The following PRKCB variants were observed in gnomAD, a reference collection of about 807,000 sequenced individuals.
PRKCB encodes the protein protein kinase C beta type.
Under a neutral mutation model 81.5 loss-of-function variants are expected in PRKCB, and 13 were observed. The observed-to-expected ratio is 0.16, with a 90% CI of 0.10 to 0.25. The LOEUF is 0.25. Among genes scored for constraint, PRKCB ranks in the 10% least tolerant of loss-of-function variants. PRKCB has a pLI of 1.00. For missense variants in PRKCB, 509 were observed against 875.7 expected (o/e 0.58, Z 5.29); for synonymous variants, 335 against 321.4 (o/e 1.04, Z -0.45).
intron 2 of PRKCB, among the ~76,000 whole-genome samples, chr16:23,928,445 C>T (rs1192709014): frequency 6.6e-6 from 1 of 152,020 alleles, no homozygotes; most frequent in Non-Finnish European, 1.5e-5. Flanking sequence ...ATTTACTGAG[C>T]AAGAGCTTGT....
intron 2 of PRKCB, among the ~76,000 whole-genome samples, chr16:23,883,751 C>G (rs1204378252): frequency 6.6e-6 from 1 of 152,206 alleles, no homozygotes; most frequent in African/African-American, 2.4e-5. Context: ...AAATGCACAG[C>G]TGGGCACCTG....
intron 5 of PRKCB, among the ~76,000 whole-genome samples, chr16:24,077,047 TA>T (rs1331053649): frequency 6.6e-6 from 1 of 152,112 alleles, no homozygotes; most frequent in African/African-American, 2.4e-5. Flanking sequence ...GACCTCCCCA[TA>T]GCCTGGCAAG....
chr16:24,123,937 G>T lies in PRKCB; in HGVS notation c.1021G>T (p.Asp341Tyr), dbSNP rs1189884717. The T allele has an allele frequency of 6.2e-7, 1 of 1,614,178 alleles. No individual in the cohort carries two copies. Among genetic ancestry groups the T allele is most frequent in the Non-Finnish European group, 8.5e-7 (1 of 1,180,016 alleles). Reference sequence around the variant, plus strand: ...CAACAGAGACCGGATGAAACTGACCGATTTTAACTTCCTAATGGTGCTGGG... The same window carrying T: ...CAACAGAGACCGGATGAAACTGACCTATTTTAACTTCCTAATGGTGCTGGG... ...NGNRDRMKLTDFNFLMVLGKG... is the reference protein window; with the variant it reads ...NGNRDRMKLTYFNFLMVLGKG... Residue 341 changes from aspartate to tyrosine, a missense_variant, in exon 9 of 17, where the codon GAT becomes TAT. By Grantham distance (160) the Asp-to-Tyr change is radical (BLOSUM62 -3). Transcript: ENST00000643927.
intron 2 of PRKCB, among the ~76,000 whole-genome samples, chr16:23,908,893 AAG>A (rs1396926779): frequency 1.3e-5 from 2 of 152,220 alleles, no homozygotes; most frequent in African/African-American, 4.8e-5. Context: ...GAGCAAAAGG[AAG>A]AGAGTGAAGA....
At chr16:24,180,951 T>A in intron 13 of PRKCB, 23 bp downstream of exon 13, 1 of 1,612,134 alleles carries the variant, frequency 6.2e-7, no homozygotes, top group Non-Finnish European at 8.5e-7. Flanking sequence ...GGGCACACGT[T>A]CACATTGCGG....
chr16:23,920,553 A>C (rs1963809039), intron 2 of PRKCB, among the ~76,000 whole-genome samples: 1 of 152,202 alleles, frequency 6.6e-6, no homozygotes, highest in Admixed American at 6.5e-5. Flanking sequence ...GAACAATTTA[A>C]TGTAATTTCA....
At chr16:23,850,423 T>C (rs1056627723) in intron 2 of PRKCB, among the ~76,000 whole-genome samples, 1 of 152,180 alleles carries the variant, frequency 6.6e-6, no homozygotes, top group African/African-American at 2.4e-5. Context: ...TGGAGTACAA[T>C]GGTGCGATCT....
chr16:24,193,602 A>G (rs1036833249), intron 16 of PRKCB, among the ~76,000 whole-genome samples: 1 of 152,136 alleles, frequency 6.6e-6, no homozygotes, highest in African/African-American at 2.4e-5. Context: ...GGTGTGAGCC[A>G]CTGCACCCAG....
chr16:23,971,311 T>C (rs1964552963), intron 2 of PRKCB, among the ~76,000 whole-genome samples: 1 of 152,152 alleles, frequency 6.6e-6, no homozygotes. Flanking sequence ...AAATTCATAT[T>C]GGGGTTTGGT....
At chr16:24,210,902 A>G (rs1234669064) in intron 16 of PRKCB, among the ~76,000 whole-genome samples, 4 of 152,212 alleles carry the variant, frequency 2.6e-5, no homozygotes, top group African/African-American at 9.6e-5. Flanking sequence ...CCCCAGTAAA[A>G]TGTAAGTTCC....
At chr16:24,092,599 A>G (rs1346227873) in intron 5 of PRKCB, among the ~76,000 whole-genome samples, 192 bp from the exon 6 acceptor site, 1 of 152,158 alleles carries the variant, frequency 6.6e-6, no homozygotes, top group Non-Finnish European at 1.5e-5. Flanking sequence ...TTTAACCAAC[A>G]CAGACCAGAG....
chr16:24,213,702 G>T (rs1968181679), intron 16 of PRKCB, among the ~76,000 whole-genome samples: 1 of 152,200 alleles, frequency 6.6e-6, no homozygotes, highest in Admixed American at 6.5e-5. Context: ...AATGGGTTTT[G>T]CTGGCAAAGA....
In PRKCB at chr16:23,863,907, G is replaced by A. The variant is rs184120696; in HGVS notation, c.205+26501G>A. On this transcript the variant is annotated intron_variant, in intron 2 of 16. Coordinates refer to ENST00000643927, the MANE Select transcript of PRKCB (RefSeq NM_002738.7). ...AGAGAGGAAGTTCAGAGTTCAGTAC[G>A]TTATTTCTCTCTCTCTCTCTCTTTG... 3.4e-3 allele frequency among the ~76,000 whole-genome samples: 512 copies of A among 152,258 alleles called. 2 individuals are homozygous for A. Among genetic ancestry groups the A allele is most frequent in the African/African-American group, 0.012 (496 of 41,532 alleles).
chr16:23,878,813 G>A (rs1419875092), intron 2 of PRKCB, among the ~76,000 whole-genome samples: 1 of 152,184 alleles, frequency 6.6e-6, no homozygotes, highest in African/African-American at 2.4e-5. Flanking sequence ...CTCTCTGCAG[G>A]TCTTGCAGCC....
Position 24,092,834 on chromosome 16 carries a change from G to T in PRKCB, c.573G>T (p.Leu191=). 6.2e-7 allele frequency: 1 copy of T among 1,614,150 alleles called. No individual in the cohort carries two copies. The highest frequency in any genetic ancestry group is 1.1e-5 in the South Asian group (1 of 91,082). ...TTGTACCTATGGACCCCAATGGCCT[G>T]TCAGATCCCTACGTAAAACTGAAAC... is the stretch of plus-strand genomic sequence containing the variant. ...KNLVPMDPNG[L]SDPYVKLKLI... is the part of the protein sequence containing the mutation. The change falls in exon 6 of 17, where the codon CTG becomes CTT. Residue 191 remains leucine (L), a synonymous_variant. Transcript: ENST00000643927.
At chr16:24,058,595 G>T (rs1388130422) in intron 5 of PRKCB, among the ~76,000 whole-genome samples, 2 of 152,100 alleles carry the variant, frequency 1.3e-5, no homozygotes, top group Non-Finnish European at 2.9e-5. Context: ...ATCAGACATT[G>T]AATGACCTGA....
chr16:24,070,354 G>A (rs990589932), intron 5 of PRKCB, among the ~76,000 whole-genome samples: 1 of 147,138 alleles, frequency 6.8e-6, no homozygotes, highest in African/African-American at 2.7e-5. Flanking sequence ...TTGCCATCTT[G>A]GCCAGGCTGG....
chr16:24,124,052 C>T lies in PRKCB; in HGVS notation c.1065+71C>T, dbSNP rs1966832935. ...AACAACACAGGCACATTTGCTGTTC[C>T]TATGGGACGGACGTCCTAGTGGGAG... On this transcript the variant is annotated intron_variant, in intron 9 of 16. Coordinates refer to ENST00000643927, the MANE Select transcript of PRKCB (RefSeq NM_002738.7). 25 of 1,570,150 alleles carry T rather than the reference C, an allele frequency of 1.6e-5. No individual in the cohort carries two copies. In the South Asian group the frequency reaches 2.8e-4, roughly 18 times the overall value.
chr16:23,974,308 G>A (rs183240108), intron 2 of PRKCB, among the ~76,000 whole-genome samples: 1 of 152,270 alleles, frequency 6.6e-6, no homozygotes, highest in East Asian at 1.9e-4. Context: ...GTTCAGGGAG[G>A]AGCACAGGAC....
Sources: allele counts gnomAD v4.1 joint callset (sites outside exome capture counted in the v4.1 genomes callset), GRCh38; gene constraint gnomAD v4.1.1; transcripts MANE v1.5; gene names NCBI Gene and HGNC (gene_info 2026-07-23, HGNC 2026-07-21).